Variants in ADGRL2 observed in about 807,000 individuals in gnomAD.
The protein encoded by ADGRL2 is calcium-independent alpha-latrotoxin receptor 2.
In ADGRL2, 44 loss-of-function variants were observed where a neutral mutation model predicts 157.4. The observed-to-expected ratio is 0.28, with a 90% CI of 0.22 to 0.36. The LOEUF (loss-of-function observed/expected upper bound fraction) is 0.36. ADGRL2 is among the 10% of genes least tolerant of loss of function. The probability of loss-of-function intolerance (pLI) is 1.00; values close to 1 mark genes in which losing one functional copy is unlikely to be tolerated. For missense variants in ADGRL2, 1,510 were observed against 1,768.9 expected (o/e 0.85, Z 2.63); for synonymous variants, 585 against 624.7 (o/e 0.94, Z 0.95).
chr1:81,686,982 T>A (rs922156808), intron 3 of ADGRL2, among the ~76,000 whole-genome samples: 1 of 152,208 alleles, frequency 6.6e-6, no homozygotes, highest in Non-Finnish European at 1.5e-5. Context: ...TTTATTGCAC[T>A]GTAGTCTAAA....
At chr1:81,416,536 C>T (rs896292644) in intron 1 of ADGRL2, among the ~76,000 whole-genome samples, 2 of 152,114 alleles carry the variant, frequency 1.3e-5, no homozygotes, top group Admixed American at 6.6e-5. Flanking sequence ...ATTAAATAAT[C>T]AGTTTCCTTT....
At position 81,640,360 on chromosome 1, in the gene ADGRL2, C is replaced by T. The variant is rs935822729; in HGVS notation, c.-143+59380C>T. Among the ~76,000 whole-genome samples the T allele has an allele frequency of 1.1e-4, 16 of 151,926 alleles. 1 individual carries two copies. The highest frequency in any genetic ancestry group is 4.6e-4 in the Admixed American group (7 of 15,244). ...TCAAATAAAAAATTATAGGGCCGGG[C>T]GCGGTGGCTCACACCTGTAATCCCG... is the stretch of plus-strand genomic sequence containing the variant. On this transcript the variant is annotated intron_variant, in intron 3 of 24. Transcript: ENST00000370721.
intron 2 of ADGRL2, among the ~76,000 whole-genome samples, chr1:81,548,210 T>C (rs2080065024): frequency 6.6e-6 from 1 of 152,174 alleles, no homozygotes; most frequent in South Asian, 2.1e-4. Flanking sequence ...TCTTATGTTC[T>C]GTGCAATTCT....
At chr1:81,318,335 A>G (rs899653255) in intron 1 of ADGRL2, among the ~76,000 whole-genome samples, 9 of 152,190 alleles carry the variant, frequency 5.9e-5, no homozygotes, top group African/African-American at 1.9e-4. Flanking sequence ...CTGCATTTTG[A>G]TAATATTACT....
Position 81,626,562 on chromosome 1 carries a change from C to T in ADGRL2, c.-143+45582C>T, listed in dbSNP as rs187283433. ...GTGCTGGGATTACAGGCGTGAGCAC[C>T]GCGCCTGGCCTGAATGCTGTACTTT... On this transcript the variant is annotated intron_variant, in intron 3 of 24. Transcript: ENST00000370721. 7.0e-4 allele frequency among the ~76,000 whole-genome samples: 106 copies of T among 152,328 alleles called. 1 individual carries two copies. Among genetic ancestry groups the T allele is most frequent in the African/African-American group, 2.3e-3 (96 of 41,576 alleles).
intron 1 of ADGRL2, among the ~76,000 whole-genome samples, chr1:81,396,760 T>C (rs11583592): frequency 0.45 from 68,757 of 152,060 alleles, 16,909 homozygotes; most frequent in East Asian, 0.87. Flanking sequence ...TTTATCCTGT[T>C]TATGTGATTT....
intron 17 of ADGRL2, among the ~76,000 whole-genome samples, chr1:81,976,321 T>G (rs1031072406): frequency 6.6e-6 from 1 of 152,060 alleles, no homozygotes; most frequent in Non-Finnish European, 1.5e-5. Context: ...TATTTTGTCC[T>G]CTTCCACATA....
rs182971107 is a variant in ADGRL2 at position 81,602,486 on chromosome 1, G to C, written c.-143+21506G>C. 8.3e-4 allele frequency among the ~76,000 whole-genome samples: 127 copies of C among 152,230 alleles called. 1 individual carries two copies. The Middle Eastern group carries it at 0.037, about 45-fold the overall frequency. ...TGGGTGCCTGGAATTCCAGCTACTT[G>C]GGAGGCTGAGGCAGAGAATTGCTTG... On this transcript the variant is annotated intron_variant, in intron 3 of 24. Transcript: ENST00000370721.
intron 11 of ADGRL2, among the ~76,000 whole-genome samples, chr1:81,957,420 T>C (rs980130142): frequency 6.6e-6 from 1 of 152,176 alleles, no homozygotes; most frequent in Admixed American, 6.5e-5. Flanking sequence ...TATTTTTCGC[T>C]GGGCACAGTG....
intron 1 of ADGRL2, among the ~76,000 whole-genome samples, chr1:81,337,252 A>G (rs1661711597): frequency 6.6e-6 from 1 of 152,170 alleles, no homozygotes; most frequent in African/African-American, 2.4e-5. Context: ...GGGCTGTCAC[A>G]CTGAGCTGTT....
At chr1:81,926,493 G>A (rs896647296) in intron 3 of ADGRL2, among the ~76,000 whole-genome samples, 4 of 151,936 alleles carry the variant, frequency 2.6e-5, no homozygotes, top group Admixed American at 1.3e-4. Flanking sequence ...ATCCCATAGC[G>A]ATTTCCCATT....
At chr1:81,528,645 T>C (rs1396674821) in intron 2 of ADGRL2, among the ~76,000 whole-genome samples, 3 of 18,492 alleles carry the variant, frequency 1.6e-4, no homozygotes, top group African/African-American at 7.5e-4. Context: ...AGACTCCATC[T>C]CAAAAAAAAA....
chr1:81,787,000 C>A (rs187893700), intron 2 of ADGRL2, among the ~76,000 whole-genome samples: 1 of 152,162 alleles, frequency 6.6e-6, no homozygotes, highest in South Asian at 2.1e-4. Flanking sequence ...GGTGGTTTCC[C>A]CTATACTGTT....
rs181856211 is a variant in ADGRL2 at position 81,590,450 on chromosome 1, C to T, written c.-143+9470C>T. 2.4e-3 allele frequency among the ~76,000 whole-genome samples: 361 copies of T among 152,202 alleles called. 3 individuals are homozygous for T. Among genetic ancestry groups the T allele is most frequent in the African/African-American group, 8.1e-3 (338 of 41,542 alleles). On this transcript the variant is annotated intron_variant, in intron 3 of 24. Transcript: ENST00000370721. ...AGTTTCCCATTGTGGTGACTGCACT[C>T]ACTTTGCTTCTGACAATTAAGCGCT...
chr1:81,746,855 C>T (rs1394333797), intron 1 of ADGRL2, among the ~76,000 whole-genome samples: 1 of 131,804 alleles, frequency 7.6e-6, no homozygotes, highest in Non-Finnish European at 1.6e-5. Flanking sequence ...TACACACGTG[C>T]ACACGTATAC....
intron 1 of ADGRL2, among the ~76,000 whole-genome samples, chr1:81,327,251 CG>C (rs967299478): frequency 1.8e-4 from 28 of 151,998 alleles, no homozygotes; most frequent in Non-Finnish European, 3.2e-4. Flanking sequence ...TGGAATGGGA[CG>C]GGAGGAAGGA....
intron 14 of ADGRL2, among the ~76,000 whole-genome samples, chr1:81,968,543 G>A (rs116696064): frequency 5.3e-5 from 8 of 152,240 alleles, no homozygotes; most frequent in African/African-American, 9.6e-5. Flanking sequence ...TTGAATGTTC[G>A]AATCTAATTT....
chr1:81,778,070 C>T (rs906686413), intron 2 of ADGRL2, among the ~76,000 whole-genome samples: 1 of 152,150 alleles, frequency 6.6e-6, no homozygotes, highest in African/African-American at 2.4e-5. Flanking sequence ...CCTGTAATCC[C>T]AGCACTTTGG....
intron 2 of ADGRL2, among the ~76,000 whole-genome samples, chr1:81,839,546 C>T (rs562956658): frequency 6.6e-6 from 1 of 151,752 alleles, no homozygotes; most frequent in Non-Finnish European, 1.5e-5. Flanking sequence ...ACTGTTCCCC[C>T]CAAGTCCCCA....
Sources: allele counts gnomAD v4.1 joint callset (sites outside exome capture counted in the v4.1 genomes callset), GRCh38; gene constraint gnomAD v4.1.1; transcripts MANE v1.5; gene names NCBI Gene and HGNC (gene_info 2026-07-23, HGNC 2026-07-21).